ATP13A1: variants seen among roughly 807,000 people sequenced by gnomAD.
The protein encoded by ATP13A1 is ATPase 13A1.
Under a neutral mutation model 134.8 loss-of-function variants are expected in ATP13A1, and 55 were observed. The observed-to-expected ratio is 0.41, with a 90% CI of 0.33 to 0.51. The LOEUF (loss-of-function observed/expected upper bound fraction) is 0.51, where lower values mean the gene tolerates loss of function less well. Among genes scored for constraint, ATP13A1 ranks in the 20% least tolerant of loss-of-function variants. The pLI is 0.29. For synonymous variants in ATP13A1, 775 were observed against 725.1 expected (o/e 1.07, Z -1.10); for missense variants, 1,389 against 1,652.8 (o/e 0.84, Z 2.77).
chr19:19,657,235 T>C (rs2062065225), intron 4 of ATP13A1, 86 bp from the exon 5 acceptor site: 1 of 1,486,914 alleles, frequency 6.7e-7, no homozygotes, highest in Non-Finnish European at 9.0e-7. Flanking sequence ...TATGTGAGGG[T>C]GGGGAGAGGC....
chr19:19,646,445 CT>C (rs761184563), intron 22 of ATP13A1, 98 bp from the exon 23 acceptor site: 81 of 1,416,528 alleles, frequency 5.7e-5, no homozygotes, highest in Non-Finnish European at 7.5e-5. Context: ...CCCGGGAGAC[CT>C]TGTGTACAGC....
At chr19:19,646,952 G>A (rs549016385) in intron 22 of ATP13A1, 177 bp downstream of exon 22, 7 of 681,988 alleles carry the variant, frequency 1.0e-5, no homozygotes, top group Non-Finnish European at 1.7e-5. Context: ...CACCTGGAGG[G>A]GTCTGGGAGC....
Position 19,649,771 on chromosome 19 carries a change from C to T in ATP13A1, c.2505G>A (p.Gln835=), listed in dbSNP as rs1327765521. The change falls in exon 18 of 26, where the codon CAG becomes CAA. Residue 835 remains glutamine, a synonymous_variant. Coordinates refer to ENST00000357324, the MANE Select transcript of ATP13A1 (RefSeq NM_020410.3). ...GCTTGGGAGCCACACGGGCGAACAC[C>T]TGCACATGGGGGATGAGGCGGAGCA... The part of the protein sequence containing the change: ...QQLLRLIPHV[Q]VFARVAPKQK... 1.2e-6 allele frequency: 2 copies of T among 1,601,482 alleles called. No homozygotes were observed. Among genetic ancestry groups the T allele is most frequent in the Admixed American group, 1.7e-5 (1 of 59,700 alleles).
chr19:19,654,792 TC>T, intron 12 of ATP13A1, 92 bp from the exon 13 acceptor site: 1 of 1,433,118 alleles, frequency 7.0e-7, no homozygotes, highest in Non-Finnish European at 9.4e-7. Context: ...GGCCATTCAT[TC>T]CGTGCTTGTC....
intron 1 of ATP13A1, 21 bp from the exon 2 acceptor site, chr19:19,660,008 A>G: frequency 6.5e-7 from 1 of 1,548,118 alleles, no homozygotes; most frequent in Non-Finnish European, 8.7e-7. Flanking sequence ...CAAAGAAAGC[A>G]TTGTGGCTTA....
rs1481675975 is a variant in ATP13A1 at position 19,653,161 on chromosome 19, A to T, written c.2101-441T>A. ...GACGCATGATCAAGAAAGTCACAGAAATCGGAGTGCTGAGTGCCATGAGAG... is the reference window on the plus strand; with the variant it reads ...GACGCATGATCAAGAAAGTCACAGATATCGGAGTGCTGAGTGCCATGAGAG... On this transcript the variant is annotated intron_variant, in intron 15 of 25. Transcript: ENST00000357324. The surrounding 1 kb of genome is among the most constrained non-coding windows in gnomAD (Gnocchi z 4.2). 1 of 177,452 alleles carries T rather than the reference A, an allele frequency of 5.6e-6. No individual in the cohort carries two copies. Among genetic ancestry groups the T allele is most frequent in the Non-Finnish European group, 1.2e-5 (1 of 82,958 alleles). 11.0% of individuals were successfully genotyped at this position (177,452 alleles called of 1,614,324 possible).
intron 19 of ATP13A1, 70 bp downstream of exon 19, chr19:19,649,497 T>C (rs2062010124): frequency 1.3e-6 from 2 of 1,507,120 alleles, no homozygotes; most frequent in East Asian, 4.8e-5. Flanking sequence ...GCCAGGTCTG[T>C]CTTTCTAGCT....
intron 15 of ATP13A1, chr19:19,652,937 C>T (rs1013660167): frequency 7.2e-5 from 44 of 608,314 alleles, no homozygotes; most frequent in South Asian, 1.9e-4. Flanking sequence ...CTGGGTCCCC[C>T]GAATGTGGCT....
rs184201405 is a variant in ATP13A1 at position 19,646,439 on chromosome 19, G to A, written c.3106-92C>T. The A allele has an allele frequency of 5.4e-6, 8 of 1,477,884 alleles. No homozygotes were observed. The African/African-American group carries it at 6.9e-5, about 13-fold the overall frequency. The allele number at this position is 1,477,884 out of a possible 1,614,324, so 91.5% of individuals were successfully genotyped here. On this transcript the variant is annotated intron_variant, in intron 22 of 25. Coordinates refer to ENST00000357324, the MANE Select transcript of ATP13A1 (RefSeq NM_020410.3). ...AGGCAGTAACATCCCCTGCCTCCCG[G>A]GAGACCTTGTGTACAGCCACCACCA...
At chr19:19,662,848 A>G (rs2062102708) in intron 1 of ATP13A1, among the ~76,000 whole-genome samples, 1 of 152,208 alleles carries the variant, frequency 6.6e-6, no homozygotes, top group Non-Finnish European at 1.5e-5. Context: ...GGGGAAACCT[A>G]TCCCAGTGAT....
At position 19,653,778 on chromosome 19, in the gene ATP13A1, C is replaced by T. The variant is rs764119660; in HGVS notation, c.2100+6G>A. ...TGGTGAAGGCAGGGGGAGCCTGGGC[C>T]CGTACCTGCTGGTGAGTGAGGTGTC... is the stretch of plus-strand genomic sequence containing the variant. On this transcript the variant is annotated splice_donor_region_variant and intron_variant, in intron 15 of 25. Transcript: ENST00000357324. The surrounding 1 kb of genome is among the most constrained non-coding windows in gnomAD (Gnocchi z 4.2). 5.8e-6 allele frequency: 9 copies of T among 1,548,038 alleles called. No homozygotes were observed. The highest frequency in any genetic ancestry group is 7.9e-6 in the Non-Finnish European group (9 of 1,144,634).
At position 19,655,888 on chromosome 19, in the gene ATP13A1, T is replaced by C. The variant is rs775106633; in HGVS notation, c.1259A>G (p.Asn420Ser). The C allele has an allele frequency of 1.9e-6, 3 of 1,589,484 alleles. No homozygotes were observed. The highest frequency in any genetic ancestry group is 2.6e-6 in the Non-Finnish European group (3 of 1,173,180). The change falls in exon 9 of 26, where the codon AAC (asparagine) becomes AGC (serine). Residue 420 changes from asparagine (N) to serine (S), a missense_variant. Physicochemically the swap from Asn to Ser is conservative, Grantham distance 46 (BLOSUM62 1). Coordinates refer to ENST00000357324, the MANE Select transcript of ATP13A1 (RefSeq NM_020410.3). The surrounding 1 kb of genome is among the most constrained non-coding windows in gnomAD (Gnocchi z 5.7). ...GACCTGGCCCCGCACCTGGGATGTG[T>C]TGAATCCGGTCCGCAGGACGTAGGC... Reference protein sequence around the residue: ...CVAYVLRTGFNTSQGKLLRTI... With the variant: ...CVAYVLRTGFSTSQGKLLRTI...
intron 1 of ATP13A1, chr19:19,662,084 C>T (rs1161470363): frequency 1.3e-6 from 2 of 1,576,578 alleles, no homozygotes; most frequent in Non-Finnish European, 8.6e-7. Context: ...CCTCTCCTGG[C>T]TGATGGCTGT....
In ATP13A1 at chr19:19,649,787, A is replaced by G; in HGVS notation, c.2489T>C (p.Leu830Pro). The part of the protein sequence containing the change: ...QATDPQQLLR[L>P]IPHVQVFARV... ...GGCGAACACCTGCACATGGGGGATG[A>G]GGCGGAGCAGCTGCTGGGGGTCGGT... Residue 830 changes from leucine to proline, a missense_variant, in exon 18 of 26, where the codon CTC becomes CCC. By Grantham distance (98) the Leu-to-Pro change is moderately conservative. Around this residue, in one of 4 missense-constraint regions of ATP13A1, gnomAD observed 747 missense variants for 956.1 expected, o/e 0.78. Transcript: ENST00000357324. 1 of 1,601,532 alleles carries G rather than the reference A, an allele frequency of 6.2e-7. No individual in the cohort carries two copies. Among genetic ancestry groups the G allele is most frequent in the Non-Finnish European group, 8.5e-7 (1 of 1,175,716 alleles).
intron 17 of ATP13A1, chr19:19,650,817 C>T (rs953360631): frequency 3.9e-5 from 6 of 152,406 alleles, no homozygotes; most frequent in Admixed American, 3.3e-4. Context: ...CCATGTGGTT[C>T]TTCTTAGGGC....
Position 19,653,801 on chromosome 19 carries a change from G to A in ATP13A1, c.2083C>T (p.His695Tyr). 1.3e-6 allele frequency: 2 copies of A among 1,553,248 alleles called. No individual in the cohort carries two copies. Among genetic ancestry groups the A allele is most frequent in the African/African-American group, 1.4e-5 (1 of 73,296 alleles). ...GCCCGTACCTGCTGGTGAGTGAGGT[G>A]TCCCAGCTCCTTGTACCCCAGCGCC... ...VLALGYKELGHLTHQQAREVK... is the reference protein window; with the variant it reads ...VLALGYKELGYLTHQQAREVK... Residue 695 changes from histidine (H) to tyrosine (Y), a missense_variant, in exon 15 of 26, where the codon CAC (histidine) becomes TAC (tyrosine). This residue lies in a region of ATP13A1 where 747 missense variants were observed against 956.1 expected (regional missense o/e 0.78). Coordinates refer to ENST00000357324, the MANE Select transcript of ATP13A1 (RefSeq NM_020410.3). This position sits in a 1 kb window ranked among gnomAD's most constrained non-coding sequence, Gnocchi z 4.2.
Position 19,654,047 on chromosome 19 carries a change from G to C in ATP13A1, c.1911C>G (p.Ala637=). 2 of 1,597,328 alleles carry C rather than the reference G, an allele frequency of 1.3e-6. No homozygotes were observed. Among genetic ancestry groups the C allele is most frequent in the Non-Finnish European group, 1.7e-6 (2 of 1,172,218 alleles). Residue 637 remains alanine (A), a synonymous_variant, in exon 14 of 26, where the codon GCC becomes GCG. Transcript: ENST00000357324. ...CGGTGGAGCCCAGCTTCTCATACGA[G>C]GCAAGCACGGACATTCGCTTCAGGG... The part of the protein sequence containing the change: ...ASALKRMSVL[A]SYEKLGSTDL...
Position 19,654,545 on chromosome 19 carries a change from T to G in ATP13A1, c.1811A>C (p.Lys604Thr). The G allele has an allele frequency of 1.2e-6, 2 of 1,604,958 alleles. No individual in the cohort carries two copies. Among genetic ancestry groups the G allele is most frequent in the Non-Finnish European group, 1.7e-6 (2 of 1,176,006 alleles). ...GGCCTGAGGCCCCAGCCCCTCACCTTTGGTCAGCGTCCAGTCCACGGCCGT... is the reference window on the plus strand; with the variant it reads ...GGCCTGAGGCCCCAGCCCCTCACCTGTGGTCAGCGTCCAGTCCACGGCCGT... Reference protein sequence around the residue: ...MLTAVDWTLTKDEKVFPRSIK... With the variant: ...MLTAVDWTLTTDEKVFPRSIK... The change falls in exon 13 of 26, where the codon AAA becomes ACA. Residue 604 changes from lysine to threonine, a missense_variant and splice_region_variant. Lys to Thr is a moderately conservative substitution (Grantham distance 78). Around this residue, in one of 4 missense-constraint regions of ATP13A1, gnomAD observed 747 missense variants for 956.1 expected, o/e 0.78. Transcript: ENST00000357324.
chr19:19,645,277 C>A lies in ATP13A1; in HGVS notation c.*145G>T. ...TTCTGCTGGCCAAGCCAGCGGATGG[C>A]TGTGGGGGTCCCAGCTCAGTCTTCC... On this transcript the variant is annotated 3_prime_UTR_variant, in exon 26 of 26. Transcript: ENST00000357324. This position sits in a 1 kb window ranked among gnomAD's most constrained non-coding sequence, Gnocchi z 4.1. 2 of 891,560 alleles carry A rather than the reference C, an allele frequency of 2.2e-6. No homozygotes were observed. The highest frequency in any genetic ancestry group is 1.7e-6 in the Non-Finnish European group (1 of 583,424). The allele number at this position is 891,560 out of a possible 1,614,324, so 55.2% of individuals were successfully genotyped here.
Sources: allele counts gnomAD v4.1 joint callset (sites outside exome capture counted in the v4.1 genomes callset), GRCh38; gene constraint gnomAD v4.1.1; regional missense constraint gnomAD v4.1.1; non-coding constraint Gnocchi (gnomAD v3.1); transcripts MANE v1.5; gene names NCBI Gene and HGNC (gene_info 2026-07-23, HGNC 2026-07-21).